AGAP1: variants seen among roughly 807,000 people sequenced by gnomAD.
The protein encoded by AGAP1 is arf-GAP with GTPase, ANK repeat and PH domain-containing protein 1.
AGAP1 carries 29 observed loss-of-function variants against 105.3 expected under a neutral mutation model. That is an observed-to-expected ratio of 0.28 (90% CI 0.21 to 0.38). The LOEUF (loss-of-function observed/expected upper bound fraction) is 0.38. Ranked by LOEUF, AGAP1 falls within the 10% of genes least tolerant of loss-of-function variation. The pLI, the probability that AGAP1 is intolerant of heterozygous loss-of-function variation, is 1.00. For missense variants in AGAP1, 998 were observed against 1,165.1 expected, an observed-to-expected ratio of 0.86 and a Z score of 2.09; for synonymous variants, 509 against 485.9, an observed-to-expected ratio of 1.05 and a Z score of -0.63.
chr2:235,767,395 G>A (rs1036448584), intron 6 of AGAP1, among the ~76,000 whole-genome samples: 28 of 152,292 alleles, frequency 1.8e-4, no homozygotes, highest in African/African-American at 6.5e-4. Context: ...CGAGCACCCG[G>A]GCCAAGCGTG....
intron 9 of AGAP1, among the ~76,000 whole-genome samples, chr2:235,859,390 A>ACCCCCCCCCCCCCCCCCCCCCCCC (rs1464279454): frequency 4.7e-5 from 1 of 21,386 alleles, no homozygotes; most frequent in African/African-American, 1.1e-4. Flanking sequence ...TCCCCCCACA[A>ACCCCCCCCCCCCCCCCCCCCCCCC]CCTCCCCCCC....
intron 9 of AGAP1, among the ~76,000 whole-genome samples, chr2:235,825,641 T>C (rs565064766): frequency 2.0e-5 from 3 of 152,344 alleles, no homozygotes; most frequent in African/African-American, 7.2e-5. Context: ...ATTAAAAAGC[T>C]TAAGATGGCT....
In AGAP1 at chr2:235,574,861, G is replaced by A. The variant is rs1313376449; in HGVS notation, c.163+80012G>A. Among the ~76,000 whole-genome samples the A allele has an allele frequency of 2.0e-5, 3 of 152,212 alleles. No individual in the cohort carries two copies. The highest frequency in any genetic ancestry group is 4.8e-5 in the African/African-American group (2 of 41,450). The stretch of plus-strand genomic sequence containing the variant: ...GTTGAGGCTGGGCGCAGTGGAGCAC[G>A]CGTGTAATTCTAGCACTTAGGGAGG... On this transcript the variant is annotated intron_variant, in intron 1 of 17. Coordinates refer to ENST00000304032, the MANE Select transcript of AGAP1 (RefSeq NM_001037131.3). This position sits in a 1 kb window ranked among gnomAD's most constrained non-coding sequence, Gnocchi z 5.0.
At chr2:235,954,087 A>G (rs956974453) in intron 12 of AGAP1, among the ~76,000 whole-genome samples, 31 of 151,990 alleles carry the variant, frequency 2.0e-4, no homozygotes, top group African/African-American at 6.8e-4. Flanking sequence ...TAAAAATACA[A>G]AATTAGCCAG....
At chr2:235,686,543 G>A (rs1179010052) in intron 1 of AGAP1, among the ~76,000 whole-genome samples, 5 of 70,876 alleles carry the variant, frequency 7.1e-5, no homozygotes, top group Non-Finnish European at 9.6e-5. Context: ...TTCCCAGGAA[G>A]GAGATATATA....
chr2:236,081,606 T>C (rs2058784015), intron 16 of AGAP1, among the ~76,000 whole-genome samples: 1 of 151,768 alleles, frequency 6.6e-6, no homozygotes, highest in African/African-American at 2.4e-5. Flanking sequence ...TAAAACAACT[T>C]ACAGTGAAAA....
intron 1 of AGAP1, among the ~76,000 whole-genome samples, chr2:235,523,844 C>T (rs546161566): frequency 4.4e-4 from 66 of 151,278 alleles, no homozygotes; most frequent in African/African-American, 1.2e-3. Context: ...AGCAGGGGGA[C>T]GGTGGTCTTG....
chr2:235,822,548 A>T (rs1308935314), intron 9 of AGAP1, among the ~76,000 whole-genome samples: 1 of 152,160 alleles, frequency 6.6e-6, no homozygotes, highest in Non-Finnish European at 1.5e-5. Flanking sequence ...GAAGAAGCTC[A>T]AGGGTGAGGA....
chr2:236,009,621 A>T lies in AGAP1; in HGVS notation c.1646-26940A>T, dbSNP rs1473794378. Among the ~76,000 whole-genome samples, 1 of 152,238 alleles carries T rather than the reference A, an allele frequency of 6.6e-6. No homozygotes were observed. Among genetic ancestry groups the T allele is most frequent in the African/African-American group, 2.4e-5 (1 of 41,466 alleles). On this transcript the variant is annotated intron_variant, in intron 13 of 17. Coordinates refer to ENST00000304032, the MANE Select transcript of AGAP1 (RefSeq NM_001037131.3). This position sits in a 1 kb window ranked among gnomAD's most constrained non-coding sequence, Gnocchi z 4.2. ...ATGAATAGAGAGGGCTATTTGTTTC[A>T]TTCAAAGACAAGACATTGTTAGAAA...
chr2:236,113,397 C>G lies in AGAP1; in HGVS notation c.2115-6795C>G, dbSNP rs1259753905. On this transcript the variant is annotated intron_variant, in intron 16 of 17. Coordinates refer to ENST00000304032, the MANE Select transcript of AGAP1 (RefSeq NM_001037131.3). The surrounding 1 kb of genome is among the most constrained non-coding windows in gnomAD (Gnocchi z 4.3). ...CTCGTGATCCACCCACTTCGGCCTC[C>G]CAAAGTGCTGGGATTACAGTCATGA... Among the ~76,000 whole-genome samples the G allele has an allele frequency of 6.6e-6, 1 of 152,200 alleles. No individual in the cohort carries two copies. The highest frequency in any genetic ancestry group is 1.5e-5 in the Non-Finnish European group (1 of 68,042).
chr2:235,853,303 C>A, intron 9 of AGAP1: 2 of 837,858 alleles, frequency 2.4e-6, no homozygotes, highest in Non-Finnish European at 2.9e-6. Flanking sequence ...CTGACTCAGG[C>A]AGGTTGAGTG....
At chr2:236,100,787 G>A (rs182074660) in intron 16 of AGAP1, among the ~76,000 whole-genome samples, 1 of 150,964 alleles carries the variant, frequency 6.6e-6, no homozygotes, top group East Asian at 2.0e-4. Context: ...CCGAGATCGT[G>A]TCACTGCACT....
rs185561630 is a variant in AGAP1, at chr2:235,753,760, C to A, written c.673+3272C>A. Among the ~76,000 whole-genome samples the A allele has an allele frequency of 6.0e-3, 907 of 151,666 alleles. 15 individuals are homozygous for A. Among genetic ancestry groups the A allele is most frequent in the African/African-American group, 0.021 (864 of 41,362 alleles). On this transcript the variant is annotated intron_variant, in intron 6 of 17. Transcript: ENST00000304032. The surrounding 1 kb of genome is among the most constrained non-coding windows in gnomAD (Gnocchi z 4.5). ...ATTTGAAAAGCAAATACCTGTGAAGCTACAACTTCCGTGACTATTGCGATT... is the reference window on the plus strand; with the variant it reads ...ATTTGAAAAGCAAATACCTGTGAAGATACAACTTCCGTGACTATTGCGATT...
chr2:235,849,311 A>G (rs1043478622), intron 9 of AGAP1, among the ~76,000 whole-genome samples: 11 of 152,226 alleles, frequency 7.2e-5, no homozygotes, highest in African/African-American at 1.7e-4. Flanking sequence ...TCTTCCTTCT[A>G]TTGGCCAACG....
chr2:235,969,307 TACACACACAC>T (rs1052852240), intron 13 of AGAP1, among the ~76,000 whole-genome samples: 2 of 151,884 alleles, frequency 1.3e-5, no homozygotes, highest in African/African-American at 4.8e-5. Flanking sequence ...AGCGCATGCG[TACACACACAC>T]ATACACACAC....
At chr2:235,668,923 T>C (rs545326760) in intron 1 of AGAP1, among the ~76,000 whole-genome samples, 1 of 152,132 alleles carries the variant, frequency 6.6e-6, no homozygotes, top group Non-Finnish European at 1.5e-5. Flanking sequence ...CAGGCACGTC[T>C]GTCTGCTTGC....
chr2:235,744,911 T>TA lies in AGAP1; in HGVS notation c.538+78dup. On this transcript the variant is annotated intron_variant, in intron 5 of 17. Coordinates refer to ENST00000304032, the MANE Select transcript of AGAP1 (RefSeq NM_001037131.3). This position sits in a 1 kb window ranked among gnomAD's most constrained non-coding sequence, Gnocchi z 5.2. ...TACATATTTTCAGTATGGAGGAGTT[T>TA]AAAAAATGCTTTAAAGAAGGAAAAA... is the stretch of plus-strand genomic sequence containing the variant. The TA allele has an allele frequency of 6.5e-7, 1 of 1,541,452 alleles. No individual in the cohort carries two copies. The highest frequency in any genetic ancestry group is 8.8e-7 in the Non-Finnish European group (1 of 1,139,868).
chr2:235,638,839 C>G (rs142127533), intron 1 of AGAP1, among the ~76,000 whole-genome samples: 2 of 152,332 alleles, frequency 1.3e-5, no homozygotes, highest in East Asian at 3.9e-4. Context: ...AGCCTCAGCA[C>G]TATTGACATT....
intron 2 of AGAP1, among the ~76,000 whole-genome samples, chr2:235,709,752 C>T (rs3820780): frequency 0.41 from 62,009 of 152,002 alleles, 16,605 homozygotes; most frequent in African/African-American, 0.74. Flanking sequence ...TTTTACGAAC[C>T]TTACCCTTTC....
Sources: allele counts gnomAD v4.1 joint callset (sites outside exome capture counted in the v4.1 genomes callset), GRCh38; gene constraint gnomAD v4.1.1; non-coding constraint Gnocchi (gnomAD v3.1); transcripts MANE v1.5; gene names NCBI Gene and HGNC (gene_info 2026-07-23, HGNC 2026-07-21).